DIS3L2: variants seen among roughly 807,000 people sequenced by gnomAD.
The protein encoded by DIS3L2 is DIS3 like 3'-5' exoribonuclease 2, also known as DIS3-like exonuclease 2.
In DIS3L2, 34 loss-of-function variants were observed where a neutral mutation model predicts 97.5. The observed-to-expected ratio is 0.35, with a 90% CI of 0.27 to 0.46. DIS3L2 has a LOEUF of 0.46. Among genes scored for constraint, DIS3L2 ranks in the 20% least tolerant of loss-of-function variants. DIS3L2 has a pLI of 1.00. For missense variants in DIS3L2, 1,038 were observed against 1,146.0 expected, an observed-to-expected ratio of 0.91 and a Z score of 1.36; for synonymous variants, 435 against 445.2, an observed-to-expected ratio of 0.98 and a Z score of 0.29.
chr2:232,332,954 C>T (rs140080924), intron 16 of DIS3L2, among the ~76,000 whole-genome samples: 63 of 152,124 alleles, frequency 4.1e-4, no homozygotes, highest in East Asian at 5.8e-4. Context: ...TGGGCTTTCT[C>T]TCCCTCCTCC....
intron 6 of DIS3L2, among the ~76,000 whole-genome samples, chr2:232,097,412 A>G (rs1574872670): frequency 1.3e-5 from 2 of 152,182 alleles, no homozygotes; most frequent in Non-Finnish European, 1.5e-5. Flanking sequence ...TGTAACCACA[A>G]CCCAACAACC....
chr2:232,008,769 C>A (rs1384505518), intron 1 of DIS3L2, among the ~76,000 whole-genome samples: 2 of 152,110 alleles, frequency 1.3e-5, no homozygotes, highest in African/African-American at 2.4e-5. Context: ...TCCTTATTAG[C>A]CTGATCAGTT....
chr2:232,296,628 C>T (rs529501409), intron 13 of DIS3L2, among the ~76,000 whole-genome samples: 2 of 152,272 alleles, frequency 1.3e-5, no homozygotes, highest in East Asian at 1.9e-4. Flanking sequence ...CTGCACAAGC[C>T]CTCTTGCCTC....
In DIS3L2 at chr2:232,336,602, G is replaced by T. The variant is rs753076827; in HGVS notation, c.2630G>T (p.Gly877Val). ...GPEKEEEESD[G>V]EPEDSSTS is the part of the protein sequence containing the mutation. ...GAGAAGGAGGAGGAGGAGTCTGACG[G>T]TGAGCCCGAGGACTCAAGCACCAGC... Residue 877 changes from glycine (G) to valine (V), a missense_variant, in exon 21 of 21, where the codon GGT becomes GTT. Physicochemically the swap from Gly to Val is moderately radical, Grantham distance 109 (BLOSUM62 -3). Coordinates refer to ENST00000325385, the MANE Select transcript of DIS3L2 (RefSeq NM_152383.5). 6.2e-7 allele frequency: 1 copy of T among 1,607,386 alleles called. No individual in the cohort carries two copies. The highest frequency in any genetic ancestry group is 2.2e-5 in the East Asian group (1 of 44,822).
intron 6 of DIS3L2, among the ~76,000 whole-genome samples, chr2:232,097,686 T>C (rs556051343): frequency 6.6e-6 from 1 of 152,220 alleles, no homozygotes; most frequent in East Asian, 1.9e-4. Context: ...AGTGATGCCA[T>C]GTAAGAGCCA....
intron 9 of DIS3L2, among the ~76,000 whole-genome samples, chr2:232,203,311 C>T (rs1239001126): frequency 2.0e-5 from 3 of 152,126 alleles, no homozygotes; most frequent in Non-Finnish European, 4.4e-5. Context: ...AGAGGAGGGC[C>T]TCTATAAATT....
chr2:232,124,302 A>G lies in DIS3L2; in HGVS notation c.602-6317A>G, dbSNP rs568634226. On this transcript the variant is annotated intron_variant, in intron 6 of 20. Transcript: ENST00000325385. ...TGTTTCCCCTGTTTAAAGAAATAAA[A>G]GATAACTTTGAAGATAACTCTGAAT... Among the ~76,000 whole-genome samples the G allele has an allele frequency of 2.0e-4, 30 of 152,356 alleles. 1 individual carries two copies. In the East Asian group the frequency reaches 5.8e-3, roughly 29 times the overall value.
chr2:232,201,434 C>T (rs555937999), intron 9 of DIS3L2, among the ~76,000 whole-genome samples: 80 of 152,288 alleles, frequency 5.3e-4, no homozygotes, highest in African/African-American at 1.5e-3. Context: ...GAACATAAGA[C>T]GCTTTACAAG....
At chr2:232,226,574 C>T (rs1175178218) in intron 10 of DIS3L2, among the ~76,000 whole-genome samples, 1 of 152,198 alleles carries the variant, frequency 6.6e-6, no homozygotes, top group East Asian at 1.9e-4. Context: ...AGAGTCTTAA[C>T]TCCATTTTAG....
At chr2:232,184,613 G>A (rs963302873) in intron 9 of DIS3L2, among the ~76,000 whole-genome samples, 4 of 152,098 alleles carry the variant, frequency 2.6e-5, no homozygotes, top group Non-Finnish European at 5.9e-5. Flanking sequence ...TCGCGCCACT[G>A]CACTCCAGCC....
intron 1 of DIS3L2, among the ~76,000 whole-genome samples, chr2:231,966,195 G>A (rs1455263603): frequency 6.9e-6 from 1 of 144,788 alleles, no homozygotes; most frequent in Non-Finnish European, 1.5e-5. Context: ...TTGAGACAGA[G>A]ACTTACTCTG....
intron 14 of DIS3L2, among the ~76,000 whole-genome samples, chr2:232,307,296 G>A (rs183933033): frequency 1.5e-3 from 221 of 152,376 alleles, no homozygotes; most frequent in African/African-American, 5.1e-3. Context: ...CCTTTAGGAA[G>A]GGAGGGAGCA....
At chr2:232,168,249 C>T (rs1559697568) in intron 9 of DIS3L2, among the ~76,000 whole-genome samples, 2 of 151,682 alleles carry the variant, frequency 1.3e-5, no homozygotes, top group African/African-American at 4.8e-5. Context: ...AATTTTTTTT[C>T]TTATTGTTAA....
At chr2:232,127,615 C>T (rs1431142330) in intron 6 of DIS3L2, among the ~76,000 whole-genome samples, 2 of 152,148 alleles carry the variant, frequency 1.3e-5, no homozygotes, top group African/African-American at 4.8e-5. Context: ...CCCATCTTGC[C>T]GTTGTACTTA....
intron 1 of DIS3L2, among the ~76,000 whole-genome samples, chr2:232,012,773 A>G (rs1011531537): frequency 2.0e-5 from 3 of 152,102 alleles, no homozygotes; most frequent in Non-Finnish European, 4.4e-5. Flanking sequence ...TTCTACAGGG[A>G]TAATAGGCCT....
chr2:232,249,936 C>G (rs909387053), intron 12 of DIS3L2, among the ~76,000 whole-genome samples: 1 of 152,056 alleles, frequency 6.6e-6, no homozygotes, highest in African/African-American at 2.4e-5. Flanking sequence ...AACCACAGAC[C>G]AAGAACAGAG....
intron 9 of DIS3L2, among the ~76,000 whole-genome samples, chr2:232,186,692 AT>A (rs1451210663): frequency 6.6e-6 from 1 of 152,194 alleles, no homozygotes; most frequent in African/African-American, 2.4e-5. Context: ...AAAGAATTCT[AT>A]TGCTATTACA....
At chr2:232,334,220 T>C in intron 17 of DIS3L2, 149 bp from the exon 18 acceptor site, 1 of 1,247,352 alleles carries the variant, frequency 8.0e-7, no homozygotes, top group Non-Finnish European at 1.1e-6. Flanking sequence ...GGCGCTGACC[T>C]CGAAGGGCCG....
chr2:232,071,216 C>G (rs1433505898), intron 5 of DIS3L2, among the ~76,000 whole-genome samples: 1 of 152,114 alleles, frequency 6.6e-6, no homozygotes, highest in Non-Finnish European at 1.5e-5. Flanking sequence ...TCCTGCTGTT[C>G]TGAGTTGTTA....
Sources: gnomAD v4.1 joint callset for allele counts (sites outside exome capture counted in the v4.1 genomes callset) on GRCh38, gnomAD v4.1.1 for gene constraint, MANE v1.5 for transcripts, NCBI Gene and HGNC (gene_info 2026-07-23, HGNC 2026-07-21) for gene names.